PLXNA4: variants seen among roughly 807,000 people sequenced by gnomAD.
PLXNA4 encodes plexin-A4.
PLXNA4 carries 44 observed loss-of-function variants against 191.8 expected under a neutral mutation model. The observed-to-expected ratio is 0.23, with a 90% CI of 0.18 to 0.29. The LOEUF is 0.29. Ranked by LOEUF, PLXNA4 falls within the 10% of genes least tolerant of loss-of-function variation. The pLI is 1.00. For synonymous variants in PLXNA4, 1,082 were observed against 1,009.5 expected (o/e 1.07, Z -1.36); for missense variants, 1,800 against 2,488.8 (o/e 0.72, Z 5.89).
At chr7:132,266,454 A>G (rs538071870) in intron 4 of PLXNA4, 2 of 152,366 alleles carry the variant, frequency 1.3e-5, no homozygotes, top group African/African-American at 2.4e-5. Context: ...CTCTTAGGAA[A>G]TTAACAAGCC....
At chr7:132,410,246 C>T (rs1794397538) in intron 3 of PLXNA4, among the ~76,000 whole-genome samples, 1 of 146,990 alleles carries the variant, frequency 6.8e-6, no homozygotes, top group Non-Finnish European at 1.5e-5. Flanking sequence ...TTCCTCTTTA[C>T]AGACAGGACT....
At chr7:132,386,173 G>T (rs1805128744) in intron 3 of PLXNA4, among the ~76,000 whole-genome samples, 1 of 152,142 alleles carries the variant, frequency 6.6e-6, no homozygotes, top group African/African-American at 2.4e-5. Flanking sequence ...CCAGAGGTGG[G>T]AAATGGAAGA....
At chr7:132,602,026 GTTTT>G (rs1349140906) in intron 2 of PLXNA4, among the ~76,000 whole-genome samples, 2 of 152,158 alleles carry the variant, frequency 1.3e-5, no homozygotes, top group African/African-American at 4.8e-5. Flanking sequence ...AGTCCCAAAG[GTTTT>G]TACCATAGAA....
Position 132,174,758 on chromosome 7 carries a change from G to A in PLXNA4, c.4017+20C>T. The A allele has an allele frequency of 6.2e-7, 1 of 1,612,138 alleles. No homozygotes were observed. Among genetic ancestry groups the A allele is most frequent in the Non-Finnish European group, 8.5e-7 (1 of 1,178,338 alleles). ...ACACGCTCCCCTGCTCTAATGCCAG[G>A]ATGGAGCACTGCTTCTCACCTCAAG... On this transcript the variant is annotated intron_variant, in intron 21 of 31. Coordinates refer to ENST00000321063, the MANE Select transcript of PLXNA4 (RefSeq NM_020911.2).
chr7:132,453,134 A>G (rs1432952310), intron 3 of PLXNA4, among the ~76,000 whole-genome samples: 1 of 152,196 alleles, frequency 6.6e-6, no homozygotes, highest in Non-Finnish European at 1.5e-5. Context: ...TAAGGGCCAA[A>G]AAAACAGTTG....
At chr7:132,612,322 CT>C (rs1803065053) in intron 2 of PLXNA4, among the ~76,000 whole-genome samples, 1 of 152,152 alleles carries the variant, frequency 6.6e-6, no homozygotes, top group South Asian at 2.1e-4. Context: ...GATGTAGCAC[CT>C]GGCAGTCTCT....
chr7:132,632,506 C>A lies in PLXNA4; in HGVS notation c.-87+13422G>T, dbSNP rs112752581. On this transcript the variant is annotated intron_variant, in intron 2 of 4. Transcript: ENST00000378539. ...GAGCTGAGTGTGAGCTTAGATGCAC[C>A]TGGTTCCAGAGTTAGGCTCTTACTC... is the stretch of plus-strand genomic sequence containing the variant. Among the ~76,000 whole-genome samples the A allele has an allele frequency of 2.5e-3, 373 of 152,230 alleles. 1 individual carries two copies. The highest frequency in any genetic ancestry group is 8.6e-3 in the African/African-American group (356 of 41,544).
chr7:132,230,435 T>C (rs750181371), intron 5 of PLXNA4, among the ~76,000 whole-genome samples: 3 of 152,194 alleles, frequency 2.0e-5, no homozygotes, highest in Non-Finnish European at 4.4e-5. Context: ...GGGAAGCACT[T>C]TGAGTGTTAT....
At chr7:132,362,221 T>C (rs1322307502) in intron 3 of PLXNA4, among the ~76,000 whole-genome samples, 1 of 152,188 alleles carries the variant, frequency 6.6e-6, no homozygotes. Context: ...CATACTTCCG[T>C]CTTCAATGGG....
intron 2 of PLXNA4, among the ~76,000 whole-genome samples, chr7:132,629,558 G>A (rs1803451743): frequency 6.6e-6 from 1 of 152,204 alleles, no homozygotes; most frequent in Admixed American, 6.5e-5. Context: ...GATGCATACT[G>A]AGGATTGGGA....
intron 4 of PLXNA4, among the ~76,000 whole-genome samples, chr7:132,284,695 G>C (rs1034819234): frequency 2.0e-5 from 3 of 152,168 alleles, no homozygotes; most frequent in South Asian, 2.1e-4. Flanking sequence ...GTCACTCTTG[G>C]CACCAAAAAC....
At chr7:132,561,810 T>TC in intron 1 of PLXNA4, among the ~76,000 whole-genome samples, 1 of 136,776 alleles carries the variant, frequency 7.3e-6, no homozygotes, top group Non-Finnish European at 1.6e-5. Flanking sequence ...CTTATCCTCC[T>TC]CTTTCTCCTC....
chr7:132,265,719 T>C (rs544282265), intron 4 of PLXNA4, among the ~76,000 whole-genome samples: 149 of 152,258 alleles, frequency 9.8e-4, no homozygotes, highest in African/African-American at 3.4e-3. Flanking sequence ...GGGTAGTCCC[T>C]GAAGAACAGG....
chr7:132,151,257 A>AAGG lies in PLXNA4; in HGVS notation c.4661-2614_4661-2612dup, dbSNP rs1305916292. Reference sequence around the variant, plus strand: ...GGAGAAGAGGATGAAGAGGAAGAAGAAGGAGGAGGAGGAAGAAGAAGGAGG... The same window carrying AAGG: ...GGAGAAGAGGATGAAGAGGAAGAAGAAGGAGGAGGAGGAGGAAGAAGAAGGAGG... On this transcript the variant is annotated intron_variant, in intron 25 of 31. Transcript: ENST00000321063. Among the ~76,000 whole-genome samples, 179 of 118,670 alleles carry AAGG rather than the reference A, an allele frequency of 1.5e-3. 2 individuals are homozygous for AAGG. The highest frequency in any genetic ancestry group is 5.1e-3 in the African/African-American group (173 of 34,256). 77.9% of individuals were successfully genotyped at this position (118,670 alleles called of 152,430 possible).
At chr7:132,373,575 A>C (rs552072070) in intron 3 of PLXNA4, among the ~76,000 whole-genome samples, 1 of 152,218 alleles carries the variant, frequency 6.6e-6, no homozygotes. Flanking sequence ...GATCCCATCA[A>C]TGCTCTAAAG....
chr7:132,586,895 A>C (rs184606428), intron 2 of PLXNA4, among the ~76,000 whole-genome samples: 2 of 152,192 alleles, frequency 1.3e-5, no homozygotes, highest in Non-Finnish European at 2.9e-5. Flanking sequence ...GCACCACAGC[A>C]CTCCATCCTG....
At chr7:132,374,234 C>T (rs1419819000) in intron 3 of PLXNA4, among the ~76,000 whole-genome samples, 3 of 152,160 alleles carry the variant, frequency 2.0e-5, no homozygotes, top group Non-Finnish European at 4.4e-5. Context: ...TGAAAGCCTC[C>T]GTGGCCTTCA....
intron 1 of PLXNA4, among the ~76,000 whole-genome samples, chr7:132,563,075 CCTT>C (rs1801374763): frequency 1.0e-5 from 1 of 96,284 alleles, no homozygotes; most frequent in Non-Finnish European, 2.1e-5. Context: ...TCCTCCTCCT[CCTT>C]CTCCTCCTCC....
At chr7:132,225,121 C>A (rs1798273243) in intron 8 of PLXNA4, among the ~76,000 whole-genome samples, 1 of 152,158 alleles carries the variant, frequency 6.6e-6, no homozygotes, top group African/African-American at 2.4e-5. Context: ...TCCACACCTA[C>A]TTTCAGTTTA....
Sources: gnomAD v4.1 joint callset for allele counts (sites outside exome capture counted in the v4.1 genomes callset) on GRCh38, gnomAD v4.1.1 for gene constraint, MANE v1.5 for transcripts, NCBI Gene and HGNC (gene_info 2026-07-23, HGNC 2026-07-21) for gene names.